OPRD1: variants seen among roughly 807,000 people sequenced by gnomAD.
OPRD1 encodes opioid receptor delta 1.
Under a neutral mutation model 17.5 loss-of-function variants are expected in OPRD1, and 19 were observed. The observed-to-expected ratio is 1.09, with a 90% CI of 0.76 to 1.60. The LOEUF is 1.60. Among genes scored for constraint, OPRD1 ranks in the 40% most tolerant of loss-of-function variants. The pLI is 0.00. For missense variants in OPRD1, 483 were observed against 547.2 expected, an observed-to-expected ratio of 0.88 and a Z score of 1.17; for synonymous variants, 256 against 240.9, an observed-to-expected ratio of 1.06 and a Z score of -0.58.
chr1:28,820,634 C>T (rs1277739387), intron 1 of OPRD1, among the ~76,000 whole-genome samples: 3 of 151,802 alleles, frequency 2.0e-5, no homozygotes, highest in African/African-American at 2.4e-5. Context: ...GAGACCAGCC[C>T]GAACAATATG....
chr1:28,838,742 A>G (rs1286616589), intron 1 of OPRD1, among the ~76,000 whole-genome samples: 1 of 152,190 alleles, frequency 6.6e-6, no homozygotes, highest in African/African-American at 2.4e-5. Context: ...CACCATCACG[A>G]GGCAGGAAAG....
rs189624189 is a variant in OPRD1, at chr1:28,831,478, C to T, written c.227+18868C>T. ...GAGCTGAGATCGTGCCACTGCACTC[C>T]AGCCTGGGCGACAGAGTGAGACTCC... is the stretch of plus-strand genomic sequence containing the variant. On this transcript the variant is annotated intron_variant, in intron 1 of 2. Coordinates refer to ENST00000234961, the MANE Select transcript of OPRD1 (RefSeq NM_000911.4). 6.3e-3 allele frequency among the ~76,000 whole-genome samples: 946 copies of T among 150,302 alleles called. 11 individuals carry two copies. Among genetic ancestry groups the T allele is most frequent in the African/African-American group, 0.022 (901 of 40,872 alleles).
At chr1:28,856,958 G>A (rs1259702516) in intron 1 of OPRD1, among the ~76,000 whole-genome samples, 2 of 152,112 alleles carry the variant, frequency 1.3e-5, no homozygotes, top group Non-Finnish European at 2.9e-5. Flanking sequence ...GGATGAAGAG[G>A]CCTGGATGGA....
chr1:28,859,370 G>A (rs1047962931), intron 2 of OPRD1, 67 bp downstream of exon 2: 2 of 1,372,706 alleles, frequency 1.5e-6, no homozygotes, highest in Non-Finnish European at 2.0e-6. Flanking sequence ...GCCTTTGTGG[G>A]CTTGCAGGGC....
At chr1:28,824,318 T>C (rs919431188) in intron 1 of OPRD1, among the ~76,000 whole-genome samples, 59 of 134,230 alleles carry the variant, frequency 4.4e-4, no homozygotes, top group South Asian at 6.8e-4. Flanking sequence ...TTTTTCTTTT[T>C]TTTTTTTTTT....
intron 1 of OPRD1, among the ~76,000 whole-genome samples, chr1:28,849,931 G>A (rs2088985562): frequency 6.8e-6 from 1 of 146,640 alleles, no homozygotes. Flanking sequence ...CCAGGCTGGA[G>A]TGCAGTGGCG....
At position 28,863,225 on chromosome 1, in the gene OPRD1, G is replaced by A. The variant is rs758135542; in HGVS notation, c.1061G>A (p.Arg354His). Residue 354 changes from arginine to histidine, a missense_variant, in exon 3 of 3, where the codon CGC becomes CAC. Coordinates refer to ENST00000234961, the MANE Select transcript of OPRD1 (RefSeq NM_000911.4). ...SFSRAREATA[R>H]ERVTACTPSD... ...AGCCGCGCCCGCGAAGCCACGGCCC[G>A]CGAGCGTGTCACCGCCTGCACCCCG... The A allele has an allele frequency of 1.3e-6, 2 of 1,569,296 alleles. No homozygotes were observed. Among genetic ancestry groups the A allele is most frequent in the Admixed American group, 3.6e-5 (2 of 55,770 alleles).
intron 1 of OPRD1, among the ~76,000 whole-genome samples, chr1:28,850,837 G>T (rs970794748): frequency 6.8e-6 from 1 of 146,114 alleles, no homozygotes; most frequent in African/African-American, 2.5e-5. Context: ...ATAATAAAAG[G>T]TCAATGGAAG....
At chr1:28,820,013 T>G (rs1015282971) in intron 1 of OPRD1, among the ~76,000 whole-genome samples, 12 of 152,086 alleles carry the variant, frequency 7.9e-5, no homozygotes, top group Non-Finnish European at 1.8e-4. Flanking sequence ...GGAGTAGTGA[T>G]AGACCCTCAC....
chr1:28,857,922 A>G, intron 1 of OPRD1, among the ~76,000 whole-genome samples: 1 of 151,794 alleles, frequency 6.6e-6, no homozygotes, highest in African/African-American at 2.4e-5. Flanking sequence ...CCTCTCGAGT[A>G]GCTGGGACAA....
At chr1:28,857,125 C>T (rs1057279560) in intron 1 of OPRD1, among the ~76,000 whole-genome samples, 2 of 152,220 alleles carry the variant, frequency 1.3e-5, no homozygotes, top group Non-Finnish European at 2.9e-5. Context: ...TCAAGTCACT[C>T]TGGTCTAGCC....
At position 28,822,200 on chromosome 1, in the gene OPRD1, C is replaced by T. The variant is rs571180100; in HGVS notation, c.227+9590C>T. ...TCCTGACCTCGTGATCCGCCCGACT[C>T]GTCCTCCCAAAGTGTTGGGATTACA... is the stretch of plus-strand genomic sequence containing the variant. On this transcript the variant is annotated intron_variant, in intron 1 of 2. Transcript: ENST00000234961. 3.3e-5 allele frequency among the ~76,000 whole-genome samples: 5 copies of T among 152,148 alleles called. No individual in the cohort carries two copies. In the East Asian group the frequency reaches 7.8e-4, roughly 24 times the overall value.
intron 1 of OPRD1, among the ~76,000 whole-genome samples, chr1:28,829,159 A>T (rs1379150632): frequency 6.6e-6 from 1 of 152,086 alleles, no homozygotes; most frequent in East Asian, 1.9e-4. Context: ...TTCATCAGTG[A>T]TCTTTAAAGC....
rs2089171195 is a variant in OPRD1 at position 28,865,792 on chromosome 1, G to A, written c.*2509G>A. 6.6e-6 allele frequency: 1 copy of A among 152,194 alleles called. No individual in the cohort carries two copies. The highest frequency in any genetic ancestry group is 6.5e-5 in the Admixed American group (1 of 15,274). The allele number at this position is 152,194 out of a possible 1,614,324, so 9.4% of individuals were successfully genotyped here. ...TTCTCCTCATCAGGGGTCCTCCTGT[G>A]AATGCTTTGGGGGTATGGCAGAAAA... On this transcript the variant is annotated 3_prime_UTR_variant, in exon 3 of 3. Transcript: ENST00000234961.
rs201750806 is a variant in OPRD1, at chr1:28,859,119, T to C, written c.393T>C (p.Asn131=). The C allele has an allele frequency of 5.0e-6, 8 of 1,614,170 alleles. No homozygotes were observed. Among genetic ancestry groups the C allele is most frequent in the Non-Finnish European group, 5.9e-6 (7 of 1,180,036 alleles). Residue 131 remains asparagine, a synonymous_variant, in exon 2 of 3, where the codon AAT becomes AAC. Transcript: ENST00000234961. ...CKAVLSIDYY[N]MFTSIFTLTM... ...CTGTGCTCTCCATCGACTACTACAA[T>C]ATGTTCACCAGCATCTTCACGCTCA...
intron 1 of OPRD1, among the ~76,000 whole-genome samples, chr1:28,834,381 CTT>C (rs11306242): frequency 0.4 from 48,650 of 121,808 alleles, 9,242 homozygotes; most frequent in African/African-American, 0.55. Context: ...TTCTTTTTTT[CTT>C]TTTTTTTTTT....
chr1:28,838,224 G>A (rs928425718), intron 1 of OPRD1, among the ~76,000 whole-genome samples: 1 of 152,080 alleles, frequency 6.6e-6, no homozygotes, highest in African/African-American at 2.4e-5. Flanking sequence ...TAGACACAGG[G>A]ACCTAGAATG....
At chr1:28,851,094 G>T (rs1377337521) in intron 1 of OPRD1, among the ~76,000 whole-genome samples, 2 of 152,062 alleles carry the variant, frequency 1.3e-5, no homozygotes, top group Non-Finnish European at 2.9e-5. Context: ...AGTACTGAGT[G>T]GTTACCCTTA....
chr1:28,823,387 G>GTTTA lies in OPRD1; in HGVS notation c.227+10801_227+10804dup, dbSNP rs3079037. 6.9e-4 allele frequency among the ~76,000 whole-genome samples: 97 copies of GTTTA among 141,016 alleles called. No individual in the cohort carries two copies. In the Middle Eastern group the frequency reaches 0.014, roughly 20 times the overall value. The allele number at this position is 141,016 out of a possible 152,430, so 92.5% of individuals were successfully genotyped here. A position where few individuals can be genotyped will look rare whatever the true frequency, so the allele number is the denominator to read the frequency against. ...ATTCTTTTTTAAATTTTATTTGTTTGTTTATTTATTTATTTATTTATTTAT... is the reference window on the plus strand; with the variant it reads ...ATTCTTTTTTAAATTTTATTTGTTTGTTTATTTATTTATTTATTTATTTATTTAT... On this transcript the variant is annotated intron_variant, in intron 1 of 2. Transcript: ENST00000234961.
Sources: allele counts gnomAD v4.1 joint callset (sites outside exome capture counted in the v4.1 genomes callset), GRCh38; gene constraint gnomAD v4.1.1; transcripts MANE v1.5; gene names NCBI Gene and HGNC (gene_info 2026-07-23, HGNC 2026-07-21).